Variants in KIF6 observed in about 807,000 individuals in gnomAD.
KIF6 encodes kinesin family member 6, also known as kinesin-like protein KIF6.
Under a neutral mutation model 112.7 loss-of-function variants are expected in KIF6, and 106 were observed. The ratio of observed to expected loss-of-function variants is 0.94; its 90% CI spans 0.80 to 1.11. The LOEUF is 1.11. KIF6 is among the 50% of genes least tolerant of loss of function. The probability of loss-of-function intolerance (pLI) is 0.00; values close to 1 mark genes in which losing one functional copy is unlikely to be tolerated. For missense variants in KIF6, 929 were observed against 964.0 expected, an observed-to-expected ratio of 0.96 and a Z score of 0.48; for synonymous variants, 339 against 339.9, an observed-to-expected ratio of 1.00 and a Z score of 0.03.
chr6:39,522,958 G>A (rs1433269388), intron 13 of KIF6, among the ~76,000 whole-genome samples: 1 of 152,188 alleles, frequency 6.6e-6, no homozygotes, highest in East Asian at 1.9e-4. Context: ...GGCTACAACA[G>A]TCAATTATAC....
intron 13 of KIF6, among the ~76,000 whole-genome samples, chr6:39,537,186 A>T (rs962678775): frequency 5.3e-5 from 8 of 152,290 alleles, no homozygotes; most frequent in Admixed American, 5.2e-4. Context: ...CACCACTCCT[A>T]TTCAACATAG....
At chr6:39,401,789 T>A (rs1384456860) in intron 15 of KIF6, among the ~76,000 whole-genome samples, 1 of 152,114 alleles carries the variant, frequency 6.6e-6, no homozygotes, top group Non-Finnish European at 1.5e-5. Flanking sequence ...ACATCTACCC[T>A]GTTCCTTATT....
intron 5 of KIF6, among the ~76,000 whole-genome samples, chr6:39,627,920 A>G (rs1401220638): frequency 6.6e-6 from 1 of 152,164 alleles, no homozygotes; most frequent in Admixed American, 6.6e-5. Flanking sequence ...AGAAGCTTTC[A>G]AAAATAGAAT....
chr6:39,343,848 C>T lies in KIF6; in HGVS notation c.2322-33G>A. On this transcript the variant is annotated intron_variant, in intron 21 of 22. Coordinates refer to ENST00000287152, the MANE Select transcript of KIF6 (RefSeq NM_145027.6). The surrounding 1 kb of genome is among the most constrained non-coding windows in gnomAD (Gnocchi z 4.1). ...CAACCACGTGTCACATTTTACTACA[C>T]TTTACAACTGGACTCACCACTTATA... 3 of 1,289,284 alleles carry T rather than the reference C, an allele frequency of 2.3e-6. No individual in the cohort carries two copies. The highest frequency in any genetic ancestry group is 3.3e-6 in the Non-Finnish European group (3 of 908,866). 79.9% of individuals were successfully genotyped at this position (1,289,284 alleles called of 1,614,324 possible).
At chr6:39,698,039 C>T (rs1582473662) in intron 3 of KIF6, among the ~76,000 whole-genome samples, 1 of 152,186 alleles carries the variant, frequency 6.6e-6, no homozygotes, top group African/African-American at 2.4e-5. Flanking sequence ...ATCTTTGCAG[C>T]ATGACTTCAT....
chr6:39,440,282 A>G (rs1176520795), intron 13 of KIF6, among the ~76,000 whole-genome samples: 2 of 152,156 alleles, frequency 1.3e-5, no homozygotes, highest in Admixed American at 6.5e-5. Flanking sequence ...AAGGATGATT[A>G]TACTCTGTGG....
intron 13 of KIF6, among the ~76,000 whole-genome samples, chr6:39,488,601 T>A (rs181803238): frequency 6.6e-6 from 1 of 152,332 alleles, no homozygotes; most frequent in Admixed American, 6.5e-5. Flanking sequence ...GCCTACAGAC[T>A]GTATTTTATT....
At chr6:39,477,730 G>T (rs549149857) in intron 13 of KIF6, among the ~76,000 whole-genome samples, 1 of 152,012 alleles carries the variant, frequency 6.6e-6, no homozygotes, top group Non-Finnish European at 1.5e-5. Context: ...GCGTGGTGGC[G>T]CACTTCTGTA....
intron 7 of KIF6, among the ~76,000 whole-genome samples, chr6:39,588,508 C>A (rs1448848288): frequency 6.6e-6 from 1 of 152,196 alleles, no homozygotes; most frequent in Non-Finnish European, 1.5e-5. Context: ...GCCACTGTGC[C>A]CAGCCATTGC....
chr6:39,417,915 C>T (rs967220838), intron 15 of KIF6, among the ~76,000 whole-genome samples: 6 of 152,148 alleles, frequency 3.9e-5, no homozygotes, highest in Admixed American at 6.5e-5. Flanking sequence ...CTTATCCCTC[C>T]AAGGATGAAA....
At chr6:39,669,011 A>C (rs552095662) in intron 3 of KIF6, among the ~76,000 whole-genome samples, 3 of 152,274 alleles carry the variant, frequency 2.0e-5, no homozygotes, top group South Asian at 2.1e-4. Context: ...AACTTGAATA[A>C]ATTTATTTTT....
At chr6:39,650,520 TTTATCTTATTTACA>T (rs1229924358) in intron 3 of KIF6, among the ~76,000 whole-genome samples, 1 of 151,596 alleles carries the variant, frequency 6.6e-6, no homozygotes, top group Non-Finnish European at 1.5e-5. Flanking sequence ...TATACATTAT[TTTATCTTATTTACA>T]TTATCTTATT....
At chr6:39,491,606 T>C (rs1446735694) in intron 13 of KIF6, among the ~76,000 whole-genome samples, 2 of 152,212 alleles carry the variant, frequency 1.3e-5, no homozygotes, top group African/African-American at 2.4e-5. Context: ...ATCTGTAACA[T>C]TGGCTTTGGG....
At chr6:39,470,832 C>T (rs1317018644) in intron 13 of KIF6, among the ~76,000 whole-genome samples, 1 of 152,202 alleles carries the variant, frequency 6.6e-6, no homozygotes, top group Admixed American at 6.5e-5. Flanking sequence ...CACTCACTGT[C>T]TGTATTCCTC....
chr6:39,696,129 A>G (rs1788522623), intron 3 of KIF6, among the ~76,000 whole-genome samples: 1 of 152,156 alleles, frequency 6.6e-6, no homozygotes, highest in Non-Finnish European at 1.5e-5. Flanking sequence ...GATTCCAAAA[A>G]GGGGGAGTGG....
intron 6 of KIF6, among the ~76,000 whole-genome samples, chr6:39,597,903 C>A (rs1348660020): frequency 6.6e-6 from 1 of 152,092 alleles, no homozygotes; most frequent in Admixed American, 6.6e-5. Context: ...TGGTGGCTCA[C>A]GTCTGTAATC....
chr6:39,409,943 C>A (rs756640218), intron 15 of KIF6, among the ~76,000 whole-genome samples: 24 of 152,244 alleles, frequency 1.6e-4, no homozygotes, highest in Non-Finnish European at 3.1e-4. Flanking sequence ...CTAATCAATA[C>A]AAGACAATAA....
intron 5 of KIF6, among the ~76,000 whole-genome samples, chr6:39,615,524 C>G (rs1331596932): frequency 6.8e-6 from 1 of 147,142 alleles, no homozygotes; most frequent in Non-Finnish European, 1.5e-5. Context: ...ATACACAGCA[C>G]TGCTGCTTAG....
At chr6:39,578,592 A>T (rs1781113564) in intron 9 of KIF6, among the ~76,000 whole-genome samples, 1 of 152,042 alleles carries the variant, frequency 6.6e-6, no homozygotes, top group Non-Finnish European at 1.5e-5. Flanking sequence ...TGGCCTCCCA[A>T]AGTTTGAGTT....
Sources: gnomAD v4.1 joint callset for allele counts (sites outside exome capture counted in the v4.1 genomes callset) on GRCh38, gnomAD v4.1.1 for gene constraint, Gnocchi (gnomAD v3.1) non-coding constraint, MANE v1.5 for transcripts, NCBI Gene and HGNC (gene_info 2026-07-23, HGNC 2026-07-21) for gene names.